The following AVPI1 variants were observed in gnomAD, a reference collection of about 807,000 sequenced individuals.
The protein encoded by AVPI1 is arginine vasopressin-induced protein 1.
A neutral mutation model predicts 11.9 loss-of-function variants in AVPI1; 9 were observed. That is an observed-to-expected ratio of 0.76 (90% confidence interval 0.46 to 1.32). The LOEUF is 1.32. Ranked by LOEUF, AVPI1 falls within the 40% of genes most tolerant of loss-of-function variation. The pLI is 0.00. For synonymous variants in AVPI1, 68 were observed against 78.1 expected, an observed-to-expected ratio of 0.87 and a Z score of 0.68; for missense variants, 207 against 195.8, an observed-to-expected ratio of 1.06 and a Z score of -0.34.
At chr10:97,685,659 C>CCACT (rs2041725222) in intron 1 of AVPI1, among the ~76,000 whole-genome samples, 1 of 152,210 alleles carries the variant, frequency 6.6e-6, no homozygotes, top group South Asian at 2.1e-4. Flanking sequence ...TACAGACATG[C>CCACT]CACTGGACAG....
rs1564779897 is a variant in AVPI1, at chr10:97,678,950, T to TCA, written c.287+668_287+669insTG. Among the ~76,000 whole-genome samples, 65 of 39,518 alleles carry TCA rather than the reference T, an allele frequency of 1.6e-3. 8 individuals are homozygous for TCA. The highest frequency in any genetic ancestry group is 0.012 in the East Asian group (19 of 1,556). 25.9% of individuals were successfully genotyped at this position (39,518 alleles called of 152,430 possible). A position where few individuals can be genotyped will look rare whatever the true frequency, so the allele number is the denominator to read the frequency against. On this transcript the variant is annotated intron_variant, in intron 2 of 2. Transcript: ENST00000370626. ...GTGTGTGTGTGTGTGTGTGTGTGTG[T>TCA]GTGTGTGTGTGTGTGTGTGTGTGTG...
intron 1 of AVPI1, among the ~76,000 whole-genome samples, chr10:97,682,160 T>A (rs566556990): frequency 2.6e-5 from 4 of 152,320 alleles, no homozygotes; most frequent in African/African-American, 9.6e-5. Flanking sequence ...CCTCCTCTGT[T>A]GGCCTCTGTG....
At chr10:97,679,443 A>G (rs2041690788) in intron 2 of AVPI1, among the ~76,000 whole-genome samples, 176 bp downstream of exon 2, 1 of 152,136 alleles carries the variant, frequency 6.6e-6, no homozygotes, top group Non-Finnish European at 1.5e-5. Context: ...GCACCCACCA[A>G]CAGCAATCTC....
rs1474017716 is a variant in AVPI1, at chr10:97,678,880, G to T, written c.287+739C>A. On this transcript the variant is annotated intron_variant, in intron 2 of 2. Coordinates refer to ENST00000370626, the MANE Select transcript of AVPI1 (RefSeq NM_021732.3). ...TTTCTCTTTTTTTTGGCGGGGGGAG[G>T]GTGTGTGTGTGTGTGTGTGTGTGTG... Among the ~76,000 whole-genome samples the T allele has an allele frequency of 8.8e-5, 10 of 113,444 alleles. No homozygotes were observed. In the East Asian group the frequency reaches 1.1e-3, roughly 13 times the overall value. The allele number at this position is 113,444 out of a possible 152,430, so 74.4% of individuals were successfully genotyped here.
At chr10:97,678,685 A>T (rs9325487) in intron 2 of AVPI1, among the ~76,000 whole-genome samples, 4,525 of 32,018 alleles carry the variant, frequency 0.14, 186 homozygotes, top group African/African-American at 0.36. Context: ...AATTAGGCTT[A>T]AAAAAAAAAA....
chr10:97,678,583 T>C (rs2041678691), intron 2 of AVPI1, among the ~76,000 whole-genome samples: 2 of 151,938 alleles, frequency 1.3e-5, no homozygotes, highest in Admixed American at 1.3e-4. Flanking sequence ...GGGAGAGATC[T>C]CAAGGTAAAA....
rs2041732513 is a variant in AVPI1 at position 97,686,862 on chromosome 10, C to G, written c.-107G>C. 6.7e-6 allele frequency: 1 copy of G among 148,382 alleles called. No homozygotes were observed. Among genetic ancestry groups the G allele is most frequent in the Non-Finnish European group, 1.5e-5 (1 of 67,366 alleles). The allele number at this position is 148,382 out of a possible 1,614,324, so 9.2% of individuals were successfully genotyped here. A position where few individuals can be genotyped will look rare whatever the true frequency, so the allele number is the denominator to read the frequency against. On this transcript the variant is annotated 5_prime_UTR_variant, in exon 1 of 3. Coordinates refer to ENST00000370626, the MANE Select transcript of AVPI1 (RefSeq NM_021732.3). ...TTCCACAGCCTTCAGAAAGGGCAGG[C>G]GCAGCTCTGCGAAGGTGCTTACAAG...
At chr10:97,684,320 C>T (rs1475854935) in intron 1 of AVPI1, among the ~76,000 whole-genome samples, 1 of 152,100 alleles carries the variant, frequency 6.6e-6, no homozygotes, top group Non-Finnish European at 1.5e-5. Flanking sequence ...TGGAGCCTGA[C>T]TTCCCAACAA....
chr10:97,680,937 C>T (rs2041700427), intron 1 of AVPI1, among the ~76,000 whole-genome samples: 2 of 152,190 alleles, frequency 1.3e-5, no homozygotes, highest in South Asian at 4.1e-4. Flanking sequence ...GTGTCAATGT[C>T]TCCCATCATA....
chr10:97,682,109 AACC>A (rs2041708316), intron 1 of AVPI1, among the ~76,000 whole-genome samples: 3 of 152,338 alleles, frequency 2.0e-5, no homozygotes, highest in Non-Finnish European at 4.4e-5. Flanking sequence ...AGGAGCCTGG[AACC>A]ACCCTCCATG....
chr10:97,683,451 G>A (rs114722473), intron 1 of AVPI1, among the ~76,000 whole-genome samples: 4,444 of 152,288 alleles, frequency 0.029, 232 homozygotes, highest in African/African-American at 0.1. Flanking sequence ...GAGCCACTGC[G>A]CCCGGTCAGC....
intron 2 of AVPI1, among the ~76,000 whole-genome samples, chr10:97,679,362 C>A (rs890902459): frequency 1.3e-5 from 2 of 152,030 alleles, no homozygotes. Flanking sequence ...TCAGGCTGGT[C>A]TCAAACTCCT....
At chr10:97,678,565 G>C (rs554831864) in intron 2 of AVPI1, among the ~76,000 whole-genome samples, 1 of 152,078 alleles carries the variant, frequency 6.6e-6, no homozygotes, top group African/African-American at 2.4e-5. Context: ...GGCCCACCAG[G>C]GAGACTGGGG....
chr10:97,681,269 G>A (rs1316582272), intron 1 of AVPI1, among the ~76,000 whole-genome samples: 5 of 152,130 alleles, frequency 3.3e-5, no homozygotes, highest in Non-Finnish European at 7.4e-5. Context: ...CCCAATAAGA[G>A]GATAAATAAA....
intron 2 of AVPI1, among the ~76,000 whole-genome samples, chr10:97,679,011 A>G (rs1382749070): frequency 2.1e-5 from 3 of 142,978 alleles, no homozygotes; most frequent in South Asian, 2.2e-4. Context: ...TTTCAGAGAC[A>G]GGATCTCGCC....
intron 1 of AVPI1, among the ~76,000 whole-genome samples, chr10:97,683,311 C>T (rs868291883): frequency 6.6e-6 from 1 of 152,180 alleles, no homozygotes; most frequent in African/African-American, 2.4e-5. Context: ...GCGTCCCCCA[C>T]CACTCCCGAC....
intron 1 of AVPI1, among the ~76,000 whole-genome samples, chr10:97,684,493 T>A (rs934044484): frequency 1.7e-5 from 2 of 116,414 alleles, no homozygotes; most frequent in Admixed American, 1.2e-4. Flanking sequence ...TCACTCTTTT[T>A]ACTCTTTTTT....
Position 97,687,189 on chromosome 10 carries a change from G to C in AVPI1, c.-434C>G, listed in dbSNP as rs2041737501. On this transcript the variant is annotated 5_prime_UTR_variant, in exon 1 of 3. Transcript: ENST00000370626. ...CTTGGGTCACAGCCGCGGTTCCCGG[G>C]AGAAAGCGCTCCCTAGCCCCGGAAC... is the stretch of plus-strand genomic sequence containing the variant. 1 of 152,464 alleles carries C rather than the reference G, an allele frequency of 6.6e-6. No individual in the cohort carries two copies. Among genetic ancestry groups the C allele is most frequent in the Non-Finnish European group, 1.5e-5 (1 of 68,230 alleles). 9.4% of individuals were successfully genotyped at this position (152,464 alleles called of 1,614,324 possible).
intron 2 of AVPI1, among the ~76,000 whole-genome samples, chr10:97,678,944 T>TTTTCAGAGA (rs1564779863): frequency 2.0e-5 from 1 of 50,330 alleles, no homozygotes; most frequent in Non-Finnish European, 4.0e-5. Context: ...TGTGTGTGTG[T>TTTTCAGAGA]GTGTGTGTGT....
Sources: gnomAD v4.1 joint callset for allele counts (sites outside exome capture counted in the v4.1 genomes callset) on GRCh38, gnomAD v4.1.1 for gene constraint, MANE v1.5 for transcripts, NCBI Gene and HGNC (gene_info 2026-07-23, HGNC 2026-07-21) for gene names.